STX12: variants seen among roughly 807,000 people sequenced by gnomAD.
STX12 encodes syntaxin-12.
STX12 carries 17 observed loss-of-function variants against 42.2 expected under a neutral mutation model. The ratio of observed to expected loss-of-function variants is 0.40; its 90% CI spans 0.28 to 0.60. STX12 has a LOEUF of 0.60. Ranked by LOEUF, STX12 falls within the 20% of genes least tolerant of loss-of-function variation. STX12 has a pLI of 0.39. For missense variants in STX12, 297 were observed against 330.9 expected, an observed-to-expected ratio of 0.90 and a Z score of 0.79; for synonymous variants, 108 against 116.7, an observed-to-expected ratio of 0.93 and a Z score of 0.48.
chr1:27,774,823 T>A (rs570652555), intron 1 of STX12, among the ~76,000 whole-genome samples: 5 of 152,172 alleles, frequency 3.3e-5, no homozygotes, highest in Admixed American at 6.5e-5. Flanking sequence ...CAAGGATGCA[T>A]CTACCGTGCC....
At chr1:27,796,691 C>G (rs2088787781) in intron 3 of STX12, among the ~76,000 whole-genome samples, 1 of 151,502 alleles carries the variant, frequency 6.6e-6, no homozygotes, top group Non-Finnish European at 1.5e-5. Context: ...CATACCAGGC[C>G]CTTTGTAAAG....
At chr1:27,802,354 A>G (rs1388053775) in intron 4 of STX12, among the ~76,000 whole-genome samples, 1 of 152,238 alleles carries the variant, frequency 6.6e-6, no homozygotes, top group Non-Finnish European at 1.5e-5. Flanking sequence ...CCAAAGGTCC[A>G]TGCAAGAGAG....
chr1:27,776,956 G>C (rs2088631990), intron 1 of STX12, among the ~76,000 whole-genome samples: 1 of 152,006 alleles, frequency 6.6e-6, no homozygotes, highest in South Asian at 2.1e-4. Flanking sequence ...ACTTATCTCA[G>C]TCCCAAACAT....
intron 3 of STX12, among the ~76,000 whole-genome samples, chr1:27,796,704 T>C (rs1055825779): frequency 9.8e-6 from 1 of 101,592 alleles, no homozygotes; most frequent in Non-Finnish European, 2.1e-5. Flanking sequence ...TTGTAAAGAG[T>C]TTTTTTTTTT....
At chr1:27,819,793 C>A in intron 8 of STX12, 61 bp downstream of exon 8, 1 of 1,437,808 alleles carries the variant, frequency 7.0e-7, no homozygotes, top group Non-Finnish European at 9.7e-7. Flanking sequence ...CATCAGAGTA[C>A]ATTGACATAT....
intron 3 of STX12, among the ~76,000 whole-genome samples, chr1:27,801,129 T>G (rs2088824678): frequency 6.6e-6 from 1 of 152,182 alleles, no homozygotes; most frequent in African/African-American, 2.4e-5. Context: ...CTGGGCACAG[T>G]GACTCACGCC....
intron 3 of STX12, among the ~76,000 whole-genome samples, chr1:27,798,588 T>G (rs1173434462): frequency 7.0e-6 from 1 of 143,162 alleles, no homozygotes; most frequent in African/African-American, 2.6e-5. Context: ...GAGGTTGCAG[T>G]GAGCTGAGAT....
At chr1:27,801,423 A>G (rs562076598) in intron 3 of STX12, among the ~76,000 whole-genome samples, 61 of 152,104 alleles carry the variant, frequency 4.0e-4, no homozygotes, top group Middle Eastern at 6.8e-3. Flanking sequence ...AAAAAAAAAA[A>G]AAGAAGAAGA....
At chr1:27,788,907 G>A (rs898920875) in intron 1 of STX12, among the ~76,000 whole-genome samples, 6 of 152,090 alleles carry the variant, frequency 3.9e-5, no homozygotes, top group Non-Finnish European at 7.4e-5. Context: ...AGCTACTCAG[G>A]AGGCTGAGGC....
rs1444244009 is a variant in STX12, at chr1:27,823,448, GT to G, written c.*1122del. ...TGCATAGTTTTAGACAAAAAAAGAT[GT>G]TTCAATAAAATTACTGTCTTGTAAT... On this transcript the variant is annotated 3_prime_UTR_variant, in exon 9 of 9. Transcript: ENST00000373943. The G allele has an allele frequency of 3.5e-4, 54 of 152,754 alleles. No homozygotes were observed. The highest frequency in any genetic ancestry group is 1.3e-3 in the African/African-American group (54 of 41,586). The allele number at this position is 152,754 out of a possible 1,614,324, so 9.5% of individuals were successfully genotyped here.
In STX12 at chr1:27,791,567, G is replaced by A. The variant is rs565664761; in HGVS notation, c.188+1936G>A. On this transcript the variant is annotated intron_variant, in intron 2 of 8. Coordinates refer to ENST00000373943, the MANE Select transcript of STX12 (RefSeq NM_177424.3). The stretch of plus-strand genomic sequence containing the variant: ...GCAGTGGCTCACGCCTGTAATCCCA[G>A]CACTCTGGGAGGCCGAGGTGGGTGG... 1.2e-4 allele frequency among the ~76,000 whole-genome samples: 18 copies of A among 152,286 alleles called. No homozygotes were observed. In the East Asian group the frequency reaches 3.1e-3, roughly 26 times the overall value.
intron 1 of STX12, among the ~76,000 whole-genome samples, chr1:27,785,108 A>G (rs1334602199): frequency 6.6e-6 from 1 of 152,222 alleles, no homozygotes; most frequent in African/African-American, 2.4e-5. Flanking sequence ...ATAACTTGAT[A>G]CTTTGGCATA....
At chr1:27,800,041 T>C (rs1483576868) in intron 3 of STX12, among the ~76,000 whole-genome samples, 2 of 152,212 alleles carry the variant, frequency 1.3e-5, no homozygotes, top group African/African-American at 2.4e-5. Flanking sequence ...AGGCATGCGC[T>C]ACTGCGCCCG....
intron 3 of STX12, among the ~76,000 whole-genome samples, chr1:27,798,868 C>T (rs1427296147): frequency 4.1e-5 from 6 of 146,654 alleles, no homozygotes; most frequent in Non-Finnish European, 7.4e-5. Flanking sequence ...GTGAGAGGAT[C>T]ATTTGAGTCT....
intron 4 of STX12, 63 bp downstream of exon 4, chr1:27,801,878 T>G (rs1019545110): frequency 2.0e-6 from 3 of 1,535,352 alleles, no homozygotes; most frequent in South Asian, 1.3e-5. Context: ...AGTTTGTGGG[T>G]TTTTTTCTTT....
At position 27,812,160 on chromosome 1, in the gene STX12, C is replaced by A. The variant is rs773698279; in HGVS notation, c.471-3C>A. 6.4e-7 allele frequency: 1 copy of A among 1,553,588 alleles called. No homozygotes were observed. The highest frequency in any genetic ancestry group is 1.2e-5 in the South Asian group (1 of 84,172). On this transcript the variant is annotated splice_region_variant and splice_polypyrimidine_tract_variant and intron_variant, in intron 5 of 8. Transcript: ENST00000373943. ...ATCACCTAGTGTGCCTGTTTCCCTG[C>A]AGCCATGAGGAGTGGAACCAGATGC...
intron 1 of STX12, among the ~76,000 whole-genome samples, chr1:27,788,556 T>C (rs937512238): frequency 1.3e-5 from 2 of 152,184 alleles, no homozygotes; most frequent in Non-Finnish European, 2.9e-5. Context: ...CAAAACCATA[T>C]GTTTGACTGT....
At chr1:27,774,070 A>G (rs1216959638) in intron 1 of STX12, 2 of 152,226 alleles carry the variant, frequency 1.3e-5, no homozygotes, top group Admixed American at 6.5e-5. Flanking sequence ...TGTCTTTTGT[A>G]ACAAATAATT....
chr1:27,779,443 C>A (rs1232441472), intron 1 of STX12, among the ~76,000 whole-genome samples: 1 of 151,770 alleles, frequency 6.6e-6, no homozygotes, highest in African/African-American at 2.4e-5. Flanking sequence ...AAGCAGTTCT[C>A]CTGCCTCAGC....
Sources: gnomAD v4.1 joint callset for allele counts (sites outside exome capture counted in the v4.1 genomes callset) on GRCh38, gnomAD v4.1.1 for gene constraint, MANE v1.5 for transcripts, NCBI Gene and HGNC (gene_info 2026-07-23, HGNC 2026-07-21) for gene names.